PDGFD: variants seen among roughly 807,000 people sequenced by gnomAD.
PDGFD encodes the protein platelet derived growth factor D.
Under a neutral mutation model 44.7 loss-of-function variants are expected in PDGFD, and 30 were observed. The observed-to-expected ratio is 0.67, with a 90% confidence interval of 0.50 to 0.91. The LOEUF is 0.91. PDGFD is among the 40% of genes least tolerant of loss of function. The probability of loss-of-function intolerance (pLI) is 0.00; values close to 1 mark genes in which losing one functional copy is unlikely to be tolerated. For synonymous variants in PDGFD, 173 were observed against 168.4 expected, an observed-to-expected ratio of 1.03 and a Z score of -0.21; for missense variants, 445 against 457.8, an observed-to-expected ratio of 0.97 and a Z score of 0.25.
chr11:103,922,547 T>A (rs766311484), intron 6 of PDGFD, among the ~76,000 whole-genome samples: 3 of 131,264 alleles, frequency 2.3e-5, no homozygotes, highest in Non-Finnish European at 5.2e-5. Flanking sequence ...GAAAGAAGAA[T>A]TCCCCCCCGC....
At chr11:104,064,496 A>C (rs1591146013) in intron 1 of PDGFD, among the ~76,000 whole-genome samples, 1 of 152,334 alleles carries the variant, frequency 6.6e-6, no homozygotes, top group Non-Finnish European at 1.5e-5. Flanking sequence ...TCAAAAGGTG[A>C]ACTCAGTACA....
intron 1 of PDGFD, among the ~76,000 whole-genome samples, chr11:104,098,478 G>A (rs1196434217): frequency 6.6e-6 from 1 of 150,552 alleles, no homozygotes; most frequent in African/African-American, 2.4e-5. Context: ...ATCATATATA[G>A]AGAGGGGAAA....
intron 3 of PDGFD, among the ~76,000 whole-genome samples, chr11:103,965,584 T>C (rs1268956567): frequency 2.6e-5 from 4 of 152,182 alleles, no homozygotes; most frequent in South Asian, 2.1e-4. Context: ...ACAATTGATA[T>C]TCAAAGCTCT....
At chr11:104,145,630 C>T (rs1862150924) in intron 1 of PDGFD, among the ~76,000 whole-genome samples, 1 of 152,106 alleles carries the variant, frequency 6.6e-6, no homozygotes, top group South Asian at 2.1e-4. Flanking sequence ...ATATAGGGAG[C>T]TCTTTAGGCC....
intron 1 of PDGFD, among the ~76,000 whole-genome samples, chr11:104,105,601 A>G (rs1335212779): frequency 2.0e-5 from 3 of 152,114 alleles, no homozygotes; most frequent in Non-Finnish European, 4.4e-5. Flanking sequence ...CCAAACGCTT[A>G]TTCAGCTTTA....
chr11:104,104,127 A>T (rs549691702), intron 1 of PDGFD, among the ~76,000 whole-genome samples: 1 of 152,254 alleles, frequency 6.6e-6, no homozygotes, highest in East Asian at 1.9e-4. Flanking sequence ...TGAAAGAAAA[A>T]TTTAAAAATA....
intron 1 of PDGFD, among the ~76,000 whole-genome samples, chr11:104,103,128 C>T (rs1435647945): frequency 1.3e-5 from 2 of 152,100 alleles, no homozygotes; most frequent in South Asian, 2.1e-4. Flanking sequence ...AAGTCACTTA[C>T]CATTTCTGTG....
intron 1 of PDGFD, among the ~76,000 whole-genome samples, chr11:104,153,496 AG>A (rs1194152919): frequency 1.3e-5 from 2 of 152,150 alleles, no homozygotes; most frequent in Admixed American, 6.6e-5. Flanking sequence ...AATTTAACTG[AG>A]GAGGGTTGGG....
At chr11:104,099,636 C>CAATAATAATAATAAT (rs72280494) in intron 1 of PDGFD, among the ~76,000 whole-genome samples, 8 of 142,744 alleles carry the variant, frequency 5.6e-5, no homozygotes, top group South Asian at 4.5e-4. Context: ...GTTTCAAAAA[C>CAATAATAATAATAAT]AATAATAATA....
At chr11:103,966,964 A>C (rs1410956838) in intron 3 of PDGFD, among the ~76,000 whole-genome samples, 1 of 152,184 alleles carries the variant, frequency 6.6e-6, no homozygotes, top group Non-Finnish European at 1.5e-5. Flanking sequence ...AAACCCGGCT[A>C]GGCTGAGGAA....
At chr11:103,922,631 C>G (rs1024498151) in intron 6 of PDGFD, among the ~76,000 whole-genome samples, 1 of 152,148 alleles carries the variant, frequency 6.6e-6, no homozygotes, top group South Asian at 2.1e-4. Context: ...TCTGCTGCAA[C>G]CTTGAACTCC....
At chr11:103,949,304 C>T (rs748155888) in intron 3 of PDGFD, among the ~76,000 whole-genome samples, 21 of 152,048 alleles carry the variant, frequency 1.4e-4, no homozygotes, top group South Asian at 6.2e-4. Context: ...GGCCCGGCCT[C>T]GTTATTCTAA....
intron 1 of PDGFD, among the ~76,000 whole-genome samples, chr11:104,103,269 A>C (rs1861422177): frequency 6.6e-6 from 1 of 151,888 alleles, no homozygotes; most frequent in Non-Finnish European, 1.5e-5. Context: ...GGCTATCTAA[A>C]TGTTACCTTT....
At chr11:103,985,548 G>T (rs2134355045) in intron 3 of PDGFD, among the ~76,000 whole-genome samples, 1 of 151,706 alleles carries the variant, frequency 6.6e-6, no homozygotes, top group East Asian at 1.9e-4. Flanking sequence ...ACAGGGAGAA[G>T]AGGGCTTGAA....
At chr11:103,961,365 C>T (rs1858932935) in intron 3 of PDGFD, among the ~76,000 whole-genome samples, 1 of 151,994 alleles carries the variant, frequency 6.6e-6, no homozygotes, top group Non-Finnish European at 1.5e-5. Flanking sequence ...TAAGCAAAGC[C>T]CCATAGTTCT....
chr11:103,939,035 T>C (rs946955838), intron 5 of PDGFD, among the ~76,000 whole-genome samples: 12 of 152,242 alleles, frequency 7.9e-5, no homozygotes, highest in African/African-American at 2.2e-4. Context: ...CTTGGCGATG[T>C]GGGCTCTTTT....
intron 1 of PDGFD, among the ~76,000 whole-genome samples, chr11:104,050,131 C>T (rs958478223): frequency 6.6e-6 from 1 of 152,026 alleles, no homozygotes; most frequent in Admixed American, 6.6e-5. Context: ...CAAGAGAGAA[C>T]AAAGAGTAAT....
chr11:103,993,483 T>G (rs1859490734), intron 3 of PDGFD, among the ~76,000 whole-genome samples: 1 of 151,890 alleles, frequency 6.6e-6, no homozygotes, highest in Non-Finnish European at 1.5e-5. Flanking sequence ...ATTCTAAAAT[T>G]TATTATTTAA....
intron 1 of PDGFD, among the ~76,000 whole-genome samples, chr11:104,091,051 C>T (rs1435822865): frequency 2.0e-5 from 3 of 152,124 alleles, no homozygotes; most frequent in African/African-American, 7.2e-5. Flanking sequence ...GCCTCTAAGC[C>T]AGCTAAAACA....
Sources: allele counts gnomAD v4.1 joint callset (sites outside exome capture counted in the v4.1 genomes callset), GRCh38; gene constraint gnomAD v4.1.1; transcripts MANE v1.5; gene names NCBI Gene and HGNC (gene_info 2026-07-23, HGNC 2026-07-21).